Variants in CDH13 observed in about 807,000 individuals in gnomAD.
CDH13 encodes cadherin-13.
A neutral mutation model predicts 63.8 loss-of-function variants in CDH13; 24 were observed. The observed-to-expected ratio is 0.38, with a 90% CI of 0.27 to 0.53. The LOEUF (loss-of-function observed/expected upper bound fraction) is 0.53. Among genes scored for constraint, CDH13 ranks in the 20% least tolerant of loss-of-function variants. The pLI is 0.85. For synonymous variants in CDH13, 503 were observed against 355.3 expected (o/e 1.42, Z -4.67); for missense variants, 1,049 against 903.1 (o/e 1.16, Z -2.07).
intron 1 of CDH13, among the ~76,000 whole-genome samples, chr16:82,794,724 A>T (rs1219105702): frequency 1.3e-5 from 2 of 152,152 alleles, no homozygotes; most frequent in Non-Finnish European, 2.9e-5. Flanking sequence ...CAGCCTTAAT[A>T]TTTCAAAAAC....
At chr16:83,459,306 A>G (rs1249109350) in intron 6 of CDH13, among the ~76,000 whole-genome samples, 1 of 152,256 alleles carries the variant, frequency 6.6e-6, no homozygotes, top group East Asian at 1.9e-4. Context: ...TCTTCCTAGC[A>G]TGCATTCCAG....
intron 2 of CDH13, among the ~76,000 whole-genome samples, chr16:82,934,064 T>C (rs1362180912): frequency 1.3e-5 from 2 of 152,226 alleles, no homozygotes; most frequent in African/African-American, 4.8e-5. Context: ...AACTAGGCAG[T>C]GCCCCAGTGG....
chr16:82,940,177 G>A (rs967995764), intron 2 of CDH13, among the ~76,000 whole-genome samples: 5 of 152,124 alleles, frequency 3.3e-5, no homozygotes, highest in South Asian at 2.1e-4. Context: ...GGTTGGGGAC[G>A]CAGCCAAACC....
At chr16:82,955,524 C>T (rs556060231) in intron 2 of CDH13, among the ~76,000 whole-genome samples, 3 of 152,286 alleles carry the variant, frequency 2.0e-5, no homozygotes, top group African/African-American at 7.2e-5. Context: ...ACATTTTTGG[C>T]CTGCAGTTTC....
At chr16:83,324,526 G>A (rs891052254) in intron 5 of CDH13, among the ~76,000 whole-genome samples, 6 of 152,086 alleles carry the variant, frequency 3.9e-5, no homozygotes, top group African/African-American at 7.2e-5. Flanking sequence ...GAGTAGCTTC[G>A]TTCACTTAGC....
chr16:83,770,745 A>G (rs1268213756), intron 11 of CDH13, among the ~76,000 whole-genome samples: 1 of 152,160 alleles, frequency 6.6e-6, no homozygotes, highest in Non-Finnish European at 1.5e-5. Context: ...GTGGGAGTGC[A>G]GTAGTGAGGA....
intron 6 of CDH13, among the ~76,000 whole-genome samples, chr16:83,357,150 C>T (rs1237808607): frequency 6.6e-6 from 1 of 152,100 alleles, no homozygotes; most frequent in African/African-American, 2.4e-5. Flanking sequence ...ACCTCGCTGG[C>T]CTGTTTCCCT....
chr16:83,764,373 C>T (rs1290598807), intron 11 of CDH13, among the ~76,000 whole-genome samples: 1 of 152,198 alleles, frequency 6.6e-6, no homozygotes, highest in Non-Finnish European at 1.5e-5. Flanking sequence ...GACAGCAGGA[C>T]ATTTCTACAT....
At chr16:83,524,290 CTTAT>C (rs1468487067) in intron 7 of CDH13, among the ~76,000 whole-genome samples, 14 of 152,012 alleles carry the variant, frequency 9.2e-5, no homozygotes, top group Admixed American at 9.2e-4. Context: ...GGAGTAGACA[CTTAT>C]TTAGTGTGTT....
rs752005691 is a variant in CDH13 at position 83,217,506 on chromosome 16, C to A, written c.636+9C>A. On this transcript the variant is annotated intron_variant, in intron 5 of 13. Coordinates refer to ENST00000567109, the MANE Select transcript of CDH13 (RefSeq NM_001257.5). ...TAATCGCTGTTTATCAAGTGAGTACCCCTCTCCCATGCCCACCCTGTGCGC... is the reference window on the plus strand; with the variant it reads ...TAATCGCTGTTTATCAAGTGAGTACACCTCTCCCATGCCCACCCTGTGCGC... 4 of 1,610,918 alleles carry A rather than the reference C, an allele frequency of 2.5e-6. No homozygotes were observed. Among genetic ancestry groups the A allele is most frequent in the Non-Finnish European group, 2.5e-6 (3 of 1,177,810 alleles).
chr16:83,059,831 G>C (rs368654229), intron 3 of CDH13, among the ~76,000 whole-genome samples: 5 of 117,916 alleles, frequency 4.2e-5, no homozygotes, highest in African/African-American at 1.6e-4. Context: ...GTCTCGCTCT[G>C]TCACCCAGGC....
rs570177308 is a variant in CDH13, at chr16:83,314,373, A to G, written c.637-30489A>G. ...GAAATATAAAAATAATTTGGTATTT[A>G]AAACAAGACTAATCATTAATAAGAC... On this transcript the variant is annotated intron_variant, in intron 5 of 13. Coordinates refer to ENST00000567109, the MANE Select transcript of CDH13 (RefSeq NM_001257.5). 2.0e-5 allele frequency among the ~76,000 whole-genome samples: 3 copies of G among 152,314 alleles called. No homozygotes were observed. In the East Asian group the frequency reaches 5.8e-4, roughly 29 times the overall value.
chr16:83,126,476 C>A (rs1423793498), intron 4 of CDH13, among the ~76,000 whole-genome samples: 3 of 152,100 alleles, frequency 2.0e-5, no homozygotes, highest in Non-Finnish European at 2.9e-5. Flanking sequence ...AGGGTAGTTT[C>A]ATTGGGAAGA....
At chr16:83,301,898 TG>T (rs896348688) in intron 5 of CDH13, among the ~76,000 whole-genome samples, 10 of 151,972 alleles carry the variant, frequency 6.6e-5, no homozygotes, top group African/African-American at 2.4e-4. Flanking sequence ...TCTTGTTTTC[TG>T]GCAGATACTT....
intron 2 of CDH13, among the ~76,000 whole-genome samples, chr16:82,988,693 C>T (rs1291749535): frequency 1.3e-5 from 2 of 149,266 alleles, no homozygotes; most frequent in East Asian, 2.0e-4. Flanking sequence ...ACCCGGCTGG[C>T]GGAGGTTGCA....
At chr16:83,297,521 A>G (rs571403799) in intron 5 of CDH13, among the ~76,000 whole-genome samples, 67 of 152,250 alleles carry the variant, frequency 4.4e-4, no homozygotes, top group South Asian at 2.9e-3. Flanking sequence ...TCTCTCATGC[A>G]CCAGAGCACT....
At position 83,360,919 on chromosome 16, in the gene CDH13, G is replaced by A. The variant is rs149844548; in HGVS notation, c.781+15913G>A. Among the ~76,000 whole-genome samples the A allele has an allele frequency of 4.0e-4, 61 of 152,300 alleles. 2 individuals carry two copies. Among genetic ancestry groups the A allele is most frequent in the African/African-American group, 1.4e-3 (57 of 41,574 alleles). ...GAATAGTGCTGCAACAAACATATGAGTGCATGTGTCTTTTTGGTAGAACAA... is the reference window on the plus strand; with the variant it reads ...GAATAGTGCTGCAACAAACATATGAATGCATGTGTCTTTTTGGTAGAACAA... On this transcript the variant is annotated intron_variant, in intron 6 of 13. Transcript: ENST00000567109.
chr16:83,510,211 G>A (rs1420077864), intron 7 of CDH13, among the ~76,000 whole-genome samples: 4 of 152,136 alleles, frequency 2.6e-5, no homozygotes, highest in African/African-American at 9.7e-5. Context: ...ATAAAGTGAA[G>A]AACATTTTTT....
At chr16:83,149,247 G>C (rs2036874134) in intron 4 of CDH13, among the ~76,000 whole-genome samples, 1 of 152,228 alleles carries the variant, frequency 6.6e-6, no homozygotes, top group South Asian at 2.1e-4. Flanking sequence ...AAGGTGGTGA[G>C]ACTTTCTCCC....
Sources: allele counts gnomAD v4.1 joint callset (sites outside exome capture counted in the v4.1 genomes callset), GRCh38; gene constraint gnomAD v4.1.1; transcripts MANE v1.5; gene names NCBI Gene and HGNC (gene_info 2026-07-23, HGNC 2026-07-21).